The following ETV1 variants were observed in gnomAD, a reference collection of about 807,000 sequenced individuals.
ETV1 encodes ETS variant transcription factor 1.
Under a neutral mutation model 62.3 loss-of-function variants are expected in ETV1, and 27 were observed. The ratio of observed to expected loss-of-function variants is 0.43; its 90% CI spans 0.32 to 0.60. The LOEUF is 0.60. Among genes scored for constraint, ETV1 ranks in the 20% least tolerant of loss-of-function variants. The probability of loss-of-function intolerance (pLI) is 0.06; values close to 1 mark genes in which losing one functional copy is unlikely to be tolerated. For missense variants in ETV1, 605 were observed against 605.8 expected (o/e 1.00, Z 0.01); for synonymous variants, 222 against 199.6 (o/e 1.11, Z -0.94).
chr7:13,912,047 G>T (rs1409805332), intron 9 of ETV1, among the ~76,000 whole-genome samples: 7 of 152,226 alleles, frequency 4.6e-5, no homozygotes, highest in African/African-American at 1.7e-4. Context: ...CAGCTCAGCA[G>T]CTGCTTTGAG....
chr7:13,925,028 C>T (rs1298177428), intron 9 of ETV1, among the ~76,000 whole-genome samples: 7 of 152,166 alleles, frequency 4.6e-5, no homozygotes, highest in South Asian at 2.1e-4. Flanking sequence ...ACCGTTTCTT[C>T]GGCAAACATA....
chr7:13,911,384 A>G, intron 9 of ETV1, 77 bp from the exon 10 acceptor site: 1 of 964,180 alleles, frequency 1.0e-6, no homozygotes, highest in Admixed American at 2.0e-5. Context: ...GGGTGCAGAC[A>G]GAGAAGATAC....
intron 6 of ETV1, among the ~76,000 whole-genome samples, chr7:13,962,407 T>C (rs142716093): frequency 3.0e-4 from 46 of 152,180 alleles, no homozygotes; most frequent in Admixed American, 9.2e-4. Flanking sequence ...CTCAGTCCCA[T>C]AGATAAATCT....
intron 3 of ETV1, chr7:13,988,637 A>G (rs1782783455): frequency 6.4e-7 from 1 of 1,557,274 alleles, no homozygotes. Flanking sequence ...AAAAGAAACA[A>G]AAACACCCCA....
At chr7:13,925,105 G>T (rs964350454) in intron 9 of ETV1, among the ~76,000 whole-genome samples, 3 of 152,124 alleles carry the variant, frequency 2.0e-5, no homozygotes, top group African/African-American at 7.2e-5. Context: ...AAAGTATGCA[G>T]CATTGTCCTT....
chr7:13,968,656 C>G (rs1416696293), intron 6 of ETV1, among the ~76,000 whole-genome samples: 1 of 151,804 alleles, frequency 6.6e-6, no homozygotes, highest in Non-Finnish European at 1.5e-5. Flanking sequence ...CATTATTCCC[C>G]CATGAATTAC....
At chr7:13,942,971 A>G (rs1787738299) in intron 6 of ETV1, among the ~76,000 whole-genome samples, 1 of 152,200 alleles carries the variant, frequency 6.6e-6, no homozygotes, top group South Asian at 2.1e-4. Flanking sequence ...AAAAGAAAAA[A>G]TATCAGCAAA....
At chr7:13,920,303 CATAA>C (rs1349941599) in intron 9 of ETV1, among the ~76,000 whole-genome samples, 1 of 152,102 alleles carries the variant, frequency 6.6e-6, no homozygotes, top group Non-Finnish European at 1.5e-5. Flanking sequence ...ACTGCAAGGC[CATAA>C]ATAGTGTCAG....
At chr7:13,981,205 G>A (rs796533202) in intron 5 of ETV1, among the ~76,000 whole-genome samples, 1 of 151,954 alleles carries the variant, frequency 6.6e-6, no homozygotes, top group Non-Finnish European at 1.5e-5. Context: ...CAATGACCTG[G>A]AGCCAAACAA....
chr7:13,960,121 C>T (rs1027264454), intron 6 of ETV1, among the ~76,000 whole-genome samples: 4 of 151,940 alleles, frequency 2.6e-5, no homozygotes, highest in Non-Finnish European at 4.4e-5. Context: ...GAAAGGAAGA[C>T]GGTGTTCACC....
chr7:13,905,725 CTCT>C (rs1386522951), intron 12 of ETV1, among the ~76,000 whole-genome samples: 1 of 152,082 alleles, frequency 6.6e-6, no homozygotes, highest in African/African-American at 2.4e-5. Context: ...TCTGTCCAGG[CTCT>C]TCTTATTTTA....
intron 6 of ETV1, among the ~76,000 whole-genome samples, chr7:13,950,429 C>A (rs1788663422): frequency 6.6e-6 from 1 of 152,056 alleles, no homozygotes; most frequent in Non-Finnish European, 1.5e-5. Context: ...CACTCTCTTG[C>A]AGGGATCCCT....
chr7:13,944,511 A>G (rs1018482743), intron 6 of ETV1, among the ~76,000 whole-genome samples: 6 of 151,860 alleles, frequency 4.0e-5, no homozygotes, highest in African/African-American at 9.7e-5. Flanking sequence ...TCCAAATACC[A>G]TCACACTGGG....
chr7:13,987,911 T>TA (rs1782692894), intron 4 of ETV1, among the ~76,000 whole-genome samples, 175 bp downstream of exon 4: 1 of 152,200 alleles, frequency 6.6e-6, no homozygotes, highest in Non-Finnish European at 1.5e-5. Flanking sequence ...GACCATAAAA[T>TA]AGTCTCCCAT....
intron 9 of ETV1, among the ~76,000 whole-genome samples, chr7:13,917,791 C>G (rs1262994309): frequency 6.6e-6 from 1 of 151,770 alleles, no homozygotes; most frequent in Non-Finnish European, 1.5e-5. Flanking sequence ...GGTGAAACCC[C>G]GTCTCTACTG....
At chr7:13,906,027 T>A (rs1286649044) in intron 12 of ETV1, among the ~76,000 whole-genome samples, 2 of 152,200 alleles carry the variant, frequency 1.3e-5, no homozygotes, top group African/African-American at 4.8e-5. Context: ...TAATGATTGC[T>A]AATTTGAAAG....
chr7:13,987,872 T>G (rs2128515965), intron 4 of ETV1, among the ~76,000 whole-genome samples: 1 of 152,358 alleles, frequency 6.6e-6, no homozygotes, highest in Admixed American at 6.5e-5. Flanking sequence ...GAGAAGTTTT[T>G]ATTTCCTTCT....
chr7:13,963,008 A>G (rs191596342), intron 6 of ETV1, among the ~76,000 whole-genome samples: 5 of 152,242 alleles, frequency 3.3e-5, no homozygotes, highest in Admixed American at 1.3e-4. Context: ...TACAAGGGAA[A>G]ATGTTACAAG....
intron 12 of ETV1, 89 bp from the exon 13 acceptor site, chr7:13,900,928 C>T (rs1782350910): frequency 2.4e-6 from 2 of 823,386 alleles, no homozygotes; most frequent in Non-Finnish European, 3.8e-6. Context: ...CTTCCAAACC[C>T]ACAAAAATGT....
Sources: gnomAD v4.1 joint callset for allele counts (sites outside exome capture counted in the v4.1 genomes callset) on GRCh38, gnomAD v4.1.1 for gene constraint, MANE v1.5 for transcripts, NCBI Gene and HGNC (gene_info 2026-07-23, HGNC 2026-07-21) for gene names.